The following ZNF722 variants were observed in gnomAD, a reference collection of about 807,000 sequenced individuals.
The protein encoded by ZNF722 is zinc finger protein 722.
At chr7:64,004,299 C>T in the ZNF722 span, among the ~76,000 whole-genome samples, 1 of 149,230 alleles carries the variant, frequency 6.7e-6, no homozygotes, top group African/African-American at 2.5e-5. Context: ...ATCCCAGCTA[C>T]TCAGGAGGAT....
chr7:64,005,946 T>A, the ZNF722 span, among the ~76,000 whole-genome samples: 1 of 152,192 alleles, frequency 6.6e-6, no homozygotes, highest in East Asian at 1.9e-4. Flanking sequence ...TCTTTTGCTC[T>A]AGGTTAGTTG....
the ZNF722 span, chr7:64,006,180 G>A: frequency 9.5e-7 from 1 of 1,050,406 alleles, no homozygotes. Flanking sequence ...GGTAATTAAA[G>A]AATTCAGCAA....
chr7:64,010,028 G>A, the ZNF722 span, among the ~76,000 whole-genome samples: 1 of 152,092 alleles, frequency 6.6e-6, no homozygotes, highest in African/African-American at 2.4e-5. Context: ...GTTTATTTGT[G>A]TAGAGGTGTT....
At chr7:64,009,432 A>C in the ZNF722 span, among the ~76,000 whole-genome samples, 12 of 152,154 alleles carry the variant, frequency 7.9e-5, no homozygotes, top group South Asian at 4.1e-4. Context: ...TACCTAGTTT[A>C]TTGAGAGTTT....
At chr7:64,014,993 T>A in the ZNF722 span, 1 of 1,245,434 alleles carries the variant, frequency 8.0e-7, no homozygotes, top group Non-Finnish European at 1.1e-6. Context: ...CTGAGTCTAG[T>A]AAGTGGAGTA....
the ZNF722 span, chr7:64,015,761 A>C: frequency 6.2e-7 from 1 of 1,613,470 alleles, no homozygotes; most frequent in African/African-American, 1.3e-5. Flanking sequence ...AATGTGGCAG[A>C]GCCTTTAACT....
the ZNF722 span, among the ~76,000 whole-genome samples, chr7:64,007,429 C>CAG: frequency 6.6e-6 from 1 of 151,946 alleles, no homozygotes; most frequent in Non-Finnish European, 1.5e-5. Flanking sequence ...GTGTGATGTT[C>CAG]CCCGCCCTGT....
chr7:64,011,219 T>G, the ZNF722 span, among the ~76,000 whole-genome samples: 45 of 152,308 alleles, frequency 3.0e-4, 1 homozygote, highest in South Asian at 9.1e-3. Flanking sequence ...CCAGTGTGTG[T>G]CTTTTAATTG....
chr7:63,998,953 C>G, the ZNF722 span: 2 of 1,576,380 alleles, frequency 1.3e-6, no homozygotes, highest in African/African-American at 1.3e-5. Context: ...TGCAGGTATT[C>G]GCAGATTTAT....
chr7:64,003,099 A>G, the ZNF722 span, among the ~76,000 whole-genome samples: 1 of 152,158 alleles, frequency 6.6e-6, no homozygotes. Flanking sequence ...TTCAAGATAC[A>G]TTCAGGAGAG....
chr7:64,016,544 C>T, the ZNF722 span, among the ~76,000 whole-genome samples: 2 of 152,220 alleles, frequency 1.3e-5, no homozygotes, highest in African/African-American at 4.8e-5. Flanking sequence ...TGTGGTAACG[C>T]TTTTAACTAG....
At chr7:64,011,327 C>G in the ZNF722 span, among the ~76,000 whole-genome samples, 1 of 152,092 alleles carries the variant, frequency 6.6e-6, no homozygotes, top group South Asian at 2.1e-4. Flanking sequence ...TTAGTTGATG[C>G]AGTTTCTTCT....
At chr7:64,017,886 T>G in the ZNF722 span, among the ~76,000 whole-genome samples, 11 of 152,308 alleles carry the variant, frequency 7.2e-5, no homozygotes, top group Non-Finnish European at 1.2e-4. Flanking sequence ...ATTTAGATTT[T>G]CTGAAAAGCA....
the ZNF722 span, chr7:64,016,093 G>T: frequency 3.6e-6 from 2 of 561,382 alleles, no homozygotes; most frequent in East Asian, 5.9e-5. Flanking sequence ...ATGTAACAAA[G>T]CCTTTGACCA....
At chr7:64,013,059 T>C in the ZNF722 span, among the ~76,000 whole-genome samples, 1 of 152,150 alleles carries the variant, frequency 6.6e-6, no homozygotes. Flanking sequence ...TCTTTTACAG[T>C]CTACTGAACT....
At chr7:64,007,548 G>A in the ZNF722 span, among the ~76,000 whole-genome samples, 13 of 152,064 alleles carry the variant, frequency 8.5e-5, no homozygotes, top group East Asian at 1.2e-3. Context: ...AGCTTCATCC[G>A]TGTCCATACA....
At chr7:64,001,807 C>G in the ZNF722 span, among the ~76,000 whole-genome samples, 1 of 151,836 alleles carries the variant, frequency 6.6e-6, no homozygotes, top group Non-Finnish European at 1.5e-5. Flanking sequence ...TGAATTATTT[C>G]TTTTTTCTCC....
the ZNF722 span, chr7:64,006,111 C>T: frequency 1.6e-6 from 1 of 620,634 alleles, no homozygotes; most frequent in Non-Finnish European, 2.5e-6. Context: ...TGTTATGAAT[C>T]AACTTTAATT....
the ZNF722 span, chr7:64,014,941 C>T: frequency 1.2e-5 from 12 of 1,012,812 alleles, no homozygotes; most frequent in East Asian, 9.6e-5. Context: ...TGCTAGTGTG[C>T]CTTGTATAAT....
Sources: allele counts gnomAD v4.1 joint callset (sites outside exome capture counted in the v4.1 genomes callset), GRCh38; gene constraint gnomAD v4.1.1; transcripts MANE v1.5; gene names NCBI Gene and HGNC (gene_info 2026-07-23, HGNC 2026-07-21).